Variants in CDH23 observed in about 807,000 individuals in gnomAD.
The protein encoded by CDH23 is cadherin related 23, also known as cadherin-23.
Under a neutral mutation model 317.1 loss-of-function variants are expected in CDH23, and 189 were observed. That is an observed-to-expected ratio of 0.60 (90% CI 0.53 to 0.67). The LOEUF (loss-of-function observed/expected upper bound fraction) is 0.67, where lower values mean the gene tolerates loss of function less well. Among genes scored for constraint, CDH23 ranks in the 30% least tolerant of loss-of-function variants. The pLI, the probability that CDH23 is intolerant of heterozygous loss-of-function variation, is 0.00. For missense variants in CDH23, 4,401 were observed against 4,592.4 expected (o/e 0.96, Z 1.20); for synonymous variants, 1,839 against 1,876.8 (o/e 0.98, Z 0.52).
At chr10:71,645,485 T>TG (rs1862795476) in intron 12 of CDH23, among the ~76,000 whole-genome samples, 1 of 152,152 alleles carries the variant, frequency 6.6e-6, no homozygotes, top group African/African-American at 2.4e-5. Context: ...GTCTCCCCGC[T>TG]GGGTCTTGCA....
intron 38 of CDH23, among the ~76,000 whole-genome samples, chr10:71,774,504 C>A (rs1225032010): frequency 1.3e-5 from 2 of 152,248 alleles, no homozygotes; most frequent in East Asian, 1.9e-4. Flanking sequence ...GTTGGTTCTT[C>A]TTCCGGCTGT....
chr10:71,413,708 T>C (rs1434237110), intron 1 of CDH23, among the ~76,000 whole-genome samples: 7 of 151,904 alleles, frequency 4.6e-5, no homozygotes, highest in Non-Finnish European at 1.0e-4. Flanking sequence ...CTTAAAATTG[T>C]TTTTTTTAGA....
At chr10:71,462,126 A>G (rs1239522426) in intron 3 of CDH23, among the ~76,000 whole-genome samples, 1 of 152,198 alleles carries the variant, frequency 6.6e-6, no homozygotes, top group African/African-American at 2.4e-5. Context: ...GCTGGGGCTT[A>G]TCATCGGATA....
At position 71,798,578 on chromosome 10, in the gene CDH23, G is replaced by A. The variant is rs1198598010; in HGVS notation, c.7054G>A (p.Gly2352Arg). The change falls in exon 50 of 70, where the codon GGG (glycine) becomes AGG (arginine). Residue 2352 changes from glycine to arginine, a missense_variant and splice_region_variant. Gly to Arg is a moderately radical substitution (Grantham distance 125, BLOSUM62 -2). Around this residue, in one of 3 missense-constraint regions of CDH23, gnomAD observed 189 missense variants for 250.9 expected, o/e 0.75. Coordinates refer to ENST00000224721, the MANE Select transcript of CDH23 (RefSeq NM_022124.6). ...GYVQLEDSSAGKVIANRTVDY... is the reference protein window; with the variant it reads ...GYVQLEDSSARKVIANRTVDY... ...TGTCCAGCTGGAGGACTCCTCGGCA[G>A]GTAGGTTAGAAATCTGTCAGAGGAG... is the stretch of plus-strand genomic sequence containing the variant. 2 of 1,605,260 alleles carry A rather than the reference G, an allele frequency of 1.2e-6. No homozygotes were observed. Among genetic ancestry groups the A allele is most frequent in the African/African-American group, 1.3e-5 (1 of 74,708 alleles).
intron 29 of CDH23, 142 bp downstream of exon 29, chr10:71,724,247 C>T (rs917665841): frequency 5.0e-6 from 4 of 801,454 alleles, no homozygotes; most frequent in Admixed American, 2.5e-5. Context: ...AGGGAGGAAA[C>T]AGGGACATTC....
chr10:71,571,229 C>T (rs1564660073), intron 8 of CDH23, among the ~76,000 whole-genome samples: 1 of 152,218 alleles, frequency 6.6e-6, no homozygotes, highest in Non-Finnish European at 1.5e-5. Flanking sequence ...AAAATTCAGC[C>T]TGTGCTGAAG....
intron 9 of CDH23, among the ~76,000 whole-genome samples, chr10:71,597,943 C>T (rs1859968019): frequency 6.6e-6 from 1 of 152,094 alleles, no homozygotes; most frequent in Non-Finnish European, 1.5e-5. Flanking sequence ...AGGCTGTGGG[C>T]AACTGGGAAG....
At chr10:71,627,753 C>T (rs554947274) in intron 11 of CDH23, among the ~76,000 whole-genome samples, 16 of 152,338 alleles carry the variant, frequency 1.1e-4, no homozygotes, top group African/African-American at 3.4e-4. Flanking sequence ...TCCTTCCCCA[C>T]ACCCACGGCC....
chr10:71,563,174 A>G (rs1857219238), intron 6 of CDH23, among the ~76,000 whole-genome samples: 1 of 152,018 alleles, frequency 6.6e-6, no homozygotes, highest in Admixed American at 6.6e-5. Flanking sequence ...GTCATGATCC[A>G]CTTGTGAGGC....
In CDH23 at chr10:71,582,748, C is replaced by T. The variant is rs371952543; in HGVS notation, c.832+4756C>T. ...GAGCAGCGTGGACTCTTCATTCCCA[C>T]CCACAGTTGACCGAGGGCCTTCCCT... On this transcript the variant is annotated intron_variant, in intron 9 of 69. Transcript: ENST00000224721. 3.3e-5 allele frequency among the ~76,000 whole-genome samples: 5 copies of T among 152,314 alleles called. No individual in the cohort carries two copies. The South Asian group carries it at 1.0e-3, about 32-fold the overall frequency.
rs1840318674 is a variant in CDH23, at chr10:71,760,177, G to GTGTGTATATATATGTATATACATATATA, written c.4846-17497_4846-17470dup. 8.8e-5 allele frequency among the ~76,000 whole-genome samples: 2 copies of GTGTGTATATATATGTATATACATATATA among 22,646 alleles called. 1 individual carries two copies. The highest frequency in any genetic ancestry group is 2.2e-4 in the Non-Finnish European group (2 of 9,192). 14.9% of individuals were successfully genotyped at this position (22,646 alleles called of 152,430 possible). A position where few individuals can be genotyped will look rare whatever the true frequency, so the allele number is the denominator to read the frequency against. Reference sequence around the variant, plus strand: ...TATATATATGTATATACATATATATGTGTGTATATATATGTATATACATAT... The same window carrying GTGTGTATATATATGTATATACATATATA: ...TATATATATGTATATACATATATATGTGTGTATATATATGTATATACATATATATGTGTATATATATGTATATACATAT... On this transcript the variant is annotated intron_variant, in intron 38 of 69. Coordinates refer to ENST00000224721, the MANE Select transcript of CDH23 (RefSeq NM_022124.6).
intron 6 of CDH23, 76 bp from the exon 7 acceptor site, chr10:71,566,666 T>C: frequency 7.4e-7 from 1 of 1,357,206 alleles, no homozygotes; most frequent in South Asian, 1.7e-5. Context: ...GAGAATGGGC[T>C]TTGAGGGACT....
intron 1 of CDH23, among the ~76,000 whole-genome samples, chr10:71,421,420 T>C (rs1474045352): frequency 6.6e-6 from 1 of 152,256 alleles, no homozygotes; most frequent in Non-Finnish European, 1.5e-5. Context: ...AATTCTTCAC[T>C]GGGAACAAAT....
Position 71,799,608 on chromosome 10 carries a change from G to C in CDH23, c.7341G>C (p.Lys2447Asn). The C allele has an allele frequency of 6.2e-7, 1 of 1,614,064 alleles. No homozygotes were observed. The highest frequency in any genetic ancestry group is 1.1e-5 in the South Asian group (1 of 91,088). ...IEYSLGDGES[K>N]FAINPTTGDI... The stretch of plus-strand genomic sequence containing the variant: ...ACAGCCTTGGAGATGGAGAGAGCAA[G>C]TTTGCCATCAACCCCACCACGGTGA... Residue 2447 changes from lysine (K) to asparagine (N), a missense_variant, in exon 52 of 70, where the codon AAG becomes AAC. Around this residue, in one of 3 missense-constraint regions of CDH23, gnomAD observed 189 missense variants for 250.9 expected, o/e 0.75. Coordinates refer to ENST00000224721, the MANE Select transcript of CDH23 (RefSeq NM_022124.6).
At chr10:71,796,583 AT>A (rs947594641) in intron 48 of CDH23, among the ~76,000 whole-genome samples, 34 of 152,190 alleles carry the variant, frequency 2.2e-4, no homozygotes, top group African/African-American at 8.0e-4. Context: ...GAATCTAAGC[AT>A]TTTTTAAATG....
intron 1 of CDH23, among the ~76,000 whole-genome samples, chr10:71,409,027 T>C (rs1363505415): frequency 6.6e-6 from 1 of 152,226 alleles, no homozygotes; most frequent in African/African-American, 2.4e-5. Context: ...CCCCTTGGCC[T>C]GATCACAAGG....
intron 38 of CDH23, among the ~76,000 whole-genome samples, chr10:71,765,252 G>A (rs1840506865): frequency 6.6e-6 from 1 of 152,230 alleles, no homozygotes; most frequent in Non-Finnish European, 1.5e-5. Context: ...CCCAGGGCTG[G>A]GAGCTGAATT....
intron 3 of CDH23, among the ~76,000 whole-genome samples, chr10:71,497,946 C>T (rs115958369): frequency 0.017 from 2,598 of 152,324 alleles, 60 homozygotes; most frequent in African/African-American, 0.054. Flanking sequence ...AGATCACACA[C>T]TTCTTCCTAC....
chr10:71,529,071 C>G (rs1228919173), intron 6 of CDH23, among the ~76,000 whole-genome samples: 2 of 152,186 alleles, frequency 1.3e-5, no homozygotes, highest in Non-Finnish European at 2.9e-5. Context: ...TTTGGACAAC[C>G]CCAGTGTTTT....
Sources: gnomAD v4.1 joint callset for allele counts (sites outside exome capture counted in the v4.1 genomes callset) on GRCh38, gnomAD v4.1.1 for gene constraint, gnomAD v4.1.1 regional missense constraint, MANE v1.5 for transcripts, NCBI Gene and HGNC (gene_info 2026-07-23, HGNC 2026-07-21) for gene names.